Variants in MICALL1 observed in about 807,000 individuals in gnomAD.
MICALL1 encodes MICAL like 1, also known as MICAL-like protein 1.
MICALL1 carries 61 observed loss-of-function variants against 83.7 expected under a neutral mutation model. That is an observed-to-expected ratio of 0.73 (90% CI 0.59 to 0.90). The LOEUF (loss-of-function observed/expected upper bound fraction) is 0.90. Among genes scored for constraint, MICALL1 ranks in the 40% least tolerant of loss-of-function variants. The pLI is 0.00. For synonymous variants in MICALL1, 481 were observed against 473.6 expected (o/e 1.02, Z -0.20); for missense variants, 1,066 against 1,152.0 (o/e 0.93, Z 1.08).
Position 37,931,864 on chromosome 22 carries a change from G to A in MICALL1, c.1947G>A (p.Lys649=), listed in dbSNP as rs1929807203. 8 of 1,614,130 alleles carry A rather than the reference G, an allele frequency of 5.0e-6. No homozygotes were observed. Among genetic ancestry groups the A allele is most frequent in the Non-Finnish European group, 6.8e-6 (8 of 1,180,012 alleles). ...PSPAASPATK[K]ATKGSKPVRP... ...CTGCAGCGTCCCCAGCCACAAAGAA[G>A]GCCACCAAGGGATCCAAGCCAGTGA... is the stretch of plus-strand genomic sequence containing the variant. Residue 649 remains lysine, a synonymous_variant, in exon 10 of 16, where the codon AAG becomes AAA. Coordinates refer to ENST00000215957, the MANE Select transcript of MICALL1 (RefSeq NM_033386.4).
At position 37,931,805 on chromosome 22, in the gene MICALL1, T is replaced by C. The variant is rs1367049389; in HGVS notation, c.1888T>C (p.Cys630Arg). The change falls in exon 10 of 16, where the codon TGC (cysteine) becomes CGC (arginine). Residue 630 changes from cysteine (C) to arginine (R), a missense_variant. Coordinates refer to ENST00000215957, the MANE Select transcript of MICALL1 (RefSeq NM_033386.4). Reference protein sequence around the residue: ...SSPQLQVKSSCKENPFNRKPS... With the variant: ...SSPQLQVKSSRKENPFNRKPS... ...CATGTCTCCTTCCCTTTAGTCCTCC[T>C]GCAAGGAGAATCCTTTTAACCGGAA... is the stretch of plus-strand genomic sequence containing the variant. 6.2e-7 allele frequency: 1 copy of C among 1,613,954 alleles called. No individual in the cohort carries two copies. The highest frequency in any genetic ancestry group is 1.3e-5 in the African/African-American group (1 of 74,890).
In MICALL1 at chr22:37,909,942, A is replaced by G. The variant is rs1928211486; in HGVS notation, c.147-2010A>G. 2.0e-5 allele frequency among the ~76,000 whole-genome samples: 3 copies of G among 152,234 alleles called. No individual in the cohort carries two copies. In the South Asian group the frequency reaches 6.2e-4, roughly 32 times the overall value. On this transcript the variant is annotated intron_variant, in intron 1 of 15. Coordinates refer to ENST00000215957, the MANE Select transcript of MICALL1 (RefSeq NM_033386.4). ...GGGGCTGTGGGCCCTGCCTGGGTGA[A>G]CCCAGTGTTGGCCCAGGGCTCTGCT...
rs116015343 is a variant in MICALL1 at position 37,939,648 on chromosome 22, C to T, written c.2471-1061C>T. ...AATTAGCCGCGCATGGCAGCGCTTGCGTGTAATCCCAGCTACTCGGGAGGC... is the reference window on the plus strand; with the variant it reads ...AATTAGCCGCGCATGGCAGCGCTTGTGTGTAATCCCAGCTACTCGGGAGGC... On this transcript the variant is annotated intron_variant, in intron 15 of 15. Transcript: ENST00000215957. Among the ~76,000 whole-genome samples the T allele has an allele frequency of 8.7e-3, 1,318 of 152,040 alleles. 24 individuals are homozygous for T. Among genetic ancestry groups the T allele is most frequent in the African/African-American group, 0.031 (1,273 of 41,470 alleles).
In MICALL1 at chr22:37,932,877, G is replaced by T; in HGVS notation, c.2223G>T (p.Glu741Asp). Residue 741 changes from glutamate (E) to aspartate (D), a missense_variant, in exon 12 of 16, where the codon GAG (glutamate) becomes GAT (aspartate). Transcript: ENST00000215957. This position sits in a 1 kb window ranked among gnomAD's most constrained non-coding sequence, Gnocchi z 4.4. ...ACCTACTGGTGCGGCGAGAGTCCGA[G>T]CTCATCTATGTGTGAGTCCCCCCGC... Reference protein sequence around the residue: ...EKHLLVRRESELIYVFKQQNL... With the variant: ...EKHLLVRRESDLIYVFKQQNL... The T allele has an allele frequency of 6.2e-7, 1 of 1,614,136 alleles. No individual in the cohort carries two copies. Among genetic ancestry groups the T allele is most frequent in the South Asian group, 1.1e-5 (1 of 91,082 alleles).
At position 37,922,214 on chromosome 22, in the gene MICALL1, A is replaced by G. The variant is rs1929083632; in HGVS notation, c.812A>G (p.Lys271Arg). 2.5e-6 allele frequency: 4 copies of G among 1,611,068 alleles called. No homozygotes were observed. Among genetic ancestry groups the G allele is most frequent in the African/African-American group, 2.7e-5 (2 of 74,852 alleles). ...APAGAEADGPKASPEARPQIP... is the reference protein window; with the variant it reads ...APAGAEADGPRASPEARPQIP... Reference sequence around the variant, plus strand: ...GCAGGGGCTGAGGCCGATGGACCCAAGGCCAGCCCTGAGGCCCGGCCGCAG... The same window carrying G: ...GCAGGGGCTGAGGCCGATGGACCCAGGGCCAGCCCTGAGGCCCGGCCGCAG... The change falls in exon 6 of 16, where the codon AAG becomes AGG. Residue 271 changes from lysine (K) to arginine (R), a missense_variant. Coordinates refer to ENST00000215957, the MANE Select transcript of MICALL1 (RefSeq NM_033386.4).
At chr22:37,940,092 AG>A in intron 15 of MICALL1, among the ~76,000 whole-genome samples, 1 of 151,850 alleles carries the variant, frequency 6.6e-6, no homozygotes, top group African/African-American at 2.4e-5. Flanking sequence ...CTCAAAAAAA[AG>A]AAAAAGAAAA....
chr22:37,924,646 C>T lies in MICALL1; in HGVS notation c.1025-14C>T, dbSNP rs766422813. ...TGCCCATGAAGGCCTGGCTCACTCT[C>T]CTTTCCCATCTAGGGAGACTGCACG... On this transcript the variant is annotated splice_polypyrimidine_tract_variant and intron_variant, in intron 6 of 15. Coordinates refer to ENST00000215957, the MANE Select transcript of MICALL1 (RefSeq NM_033386.4). This position sits in a 1 kb window ranked among gnomAD's most constrained non-coding sequence, Gnocchi z 5.2. 1.9e-6 allele frequency: 3 copies of T among 1,609,284 alleles called. No homozygotes were observed. The highest frequency in any genetic ancestry group is 1.7e-5 in the Admixed American group (1 of 59,592).
chr22:37,909,024 G>A (rs771011066), intron 1 of MICALL1, among the ~76,000 whole-genome samples: 9 of 152,094 alleles, frequency 5.9e-5, no homozygotes, highest in Non-Finnish European at 1.3e-4. Flanking sequence ...AGCATGGATA[G>A]GGGCCTCAGG....
At position 37,924,639 on chromosome 22, in the gene MICALL1, T is replaced by A; in HGVS notation, c.1025-21T>A. Reference sequence around the variant, plus strand: ...CTCCTGCTGCCCATGAAGGCCTGGCTCACTCTCCTTTCCCATCTAGGGAGA... The same window carrying A: ...CTCCTGCTGCCCATGAAGGCCTGGCACACTCTCCTTTCCCATCTAGGGAGA... On this transcript the variant is annotated intron_variant, in intron 6 of 15. Transcript: ENST00000215957. The surrounding 1 kb of genome is among the most constrained non-coding windows in gnomAD (Gnocchi z 5.2). 1 of 1,606,786 alleles carries A rather than the reference T, an allele frequency of 6.2e-7. No individual in the cohort carries two copies. Among genetic ancestry groups the A allele is most frequent in the South Asian group, 1.1e-5 (1 of 90,244 alleles).
chr22:37,924,656 C>A lies in MICALL1; in HGVS notation c.1025-4C>A, dbSNP rs1929306022. ...GGCCTGGCTCACTCTCCTTTCCCATCTAGGGAGACTGCACGAACTGCCTGT... is the reference window on the plus strand; with the variant it reads ...GGCCTGGCTCACTCTCCTTTCCCATATAGGGAGACTGCACGAACTGCCTGT... On this transcript the variant is annotated splice_region_variant and splice_polypyrimidine_tract_variant and intron_variant, in intron 6 of 15. Transcript: ENST00000215957. This position sits in a 1 kb window ranked among gnomAD's most constrained non-coding sequence, Gnocchi z 5.2. 6.2e-7 allele frequency: 1 copy of A among 1,611,938 alleles called. No individual in the cohort carries two copies. The highest frequency in any genetic ancestry group is 1.7e-5 in the Admixed American group (1 of 59,816).
chr22:37,906,536 C>G lies in MICALL1; in HGVS notation c.114C>G (p.Cys38Trp), dbSNP rs769604588. The change falls in exon 1 of 16, where the codon TGC becomes TGG. Residue 38 changes from cysteine (C) to tryptophan (W), a missense_variant. Transcript: ENST00000215957. The surrounding 1 kb of genome is among the most constrained non-coding windows in gnomAD (Gnocchi z 4.4). The part of the protein sequence containing the change: ...SSSFRDGLAF[C>W]AILHRHRPDL... ...CCTTCCGGGACGGCCTGGCCTTCTG[C>G]GCCATCCTGCACCGGCACCGGCCCG... 6 of 1,219,344 alleles carry G rather than the reference C, an allele frequency of 4.9e-6. No homozygotes were observed. The highest frequency in any genetic ancestry group is 6.2e-6 in the Non-Finnish European group (6 of 970,376). 75.5% of individuals were successfully genotyped at this position (1,219,344 alleles called of 1,614,324 possible).
chr22:37,907,930 A>G (rs1928072011), intron 1 of MICALL1, among the ~76,000 whole-genome samples: 1 of 152,222 alleles, frequency 6.6e-6, no homozygotes, highest in Non-Finnish European at 1.5e-5. Context: ...AAAGGGCACC[A>G]GGGTTAGACC....
In MICALL1 at chr22:37,940,036, C is replaced by G. The variant is rs9607502; in HGVS notation, c.2471-673C>G. Reference sequence around the variant, plus strand: ...ACCAGGAGGCAGAGTTTGCAGTGAGCTGAGACCGCACCATTGCACTCCAGC... The same window carrying G: ...ACCAGGAGGCAGAGTTTGCAGTGAGGTGAGACCGCACCATTGCACTCCAGC... On this transcript the variant is annotated intron_variant, in intron 15 of 15. Coordinates refer to ENST00000215957, the MANE Select transcript of MICALL1 (RefSeq NM_033386.4). Among the ~76,000 whole-genome samples the G allele has an allele frequency of 5.4e-3, 828 of 151,986 alleles. 11 individuals are homozygous for G. The highest frequency in any genetic ancestry group is 0.019 in the African/African-American group (792 of 41,398).
intron 1 of MICALL1, chr22:37,907,289 T>C (rs939860104): frequency 3.3e-5 from 5 of 152,296 alleles, no homozygotes; most frequent in African/African-American, 1.2e-4. Context: ...AGGATCCGAT[T>C]GATAGACACC....
chr22:37,931,020 A>T (rs578008673), intron 9 of MICALL1, among the ~76,000 whole-genome samples: 1 of 152,170 alleles, frequency 6.6e-6, no homozygotes, highest in South Asian at 2.1e-4. Context: ...ACAGCCAGGC[A>T]CCCCCACCAG....
At chr22:37,910,055 G>A (rs2145875108) in intron 1 of MICALL1, among the ~76,000 whole-genome samples, 1 of 152,298 alleles carries the variant, frequency 6.6e-6, no homozygotes, top group Admixed American at 6.5e-5. Flanking sequence ...TGGACCATGT[G>A]GGTTTCATTT....
intron 13 of MICALL1, 63 bp from the exon 14 acceptor site, chr22:37,937,017 G>A (rs1019888082): frequency 4.9e-5 from 69 of 1,412,966 alleles, no homozygotes; most frequent in Non-Finnish European, 6.5e-5. Context: ...GTGGCTCCTG[G>A]TGGCCTGGGG....
rs1450584300 is a variant in MICALL1 at position 37,912,366 on chromosome 22, G to A, written c.211G>A (p.Glu71Lys). The A allele has an allele frequency of 1.2e-6, 2 of 1,612,544 alleles. No individual in the cohort carries two copies. The highest frequency in any genetic ancestry group is 2.2e-5 in the East Asian group (1 of 44,840). The change falls in exon 3 of 16, where the codon GAG becomes AAG. Residue 71 changes from glutamate (E) to lysine (K), a missense_variant. By Grantham distance (56) the Glu-to-Lys change is moderately conservative (BLOSUM62 1). Transcript: ENST00000215957. ...ACCACCCCAGGCCTTTGAAGTGGCT[G>A]AGAAGGAGCTGGGGATCCCCGCTCT... ...ENNRLAFEVA[E>K]KELGIPALLD...
At chr22:37,913,999 C>T (rs1928507926) in intron 3 of MICALL1, among the ~76,000 whole-genome samples, 1 of 151,444 alleles carries the variant, frequency 6.6e-6, no homozygotes, top group African/African-American at 2.4e-5. Flanking sequence ...CTTCAGCCTC[C>T]TGAGTAGCTG....
Sources: gnomAD v4.1 joint callset for allele counts (sites outside exome capture counted in the v4.1 genomes callset) on GRCh38, gnomAD v4.1.1 for gene constraint, Gnocchi (gnomAD v3.1) non-coding constraint, MANE v1.5 for transcripts, NCBI Gene and HGNC (gene_info 2026-07-23, HGNC 2026-07-21) for gene names.